The following SEPTIN7 variants were observed in gnomAD, a reference collection of about 807,000 sequenced individuals.
SEPTIN7 encodes the protein septin 7.
SEPTIN7 carries 10 observed loss-of-function variants against 63.3 expected under a neutral mutation model. The observed-to-expected ratio is 0.16, with a 90% CI of 0.10 to 0.27. The LOEUF is 0.27. SEPTIN7 is among the 10% of genes least tolerant of loss of function. The probability of loss-of-function intolerance (pLI) is 1.00; values close to 1 mark genes in which losing one functional copy is unlikely to be tolerated. For missense variants in SEPTIN7, 310 were observed against 521.0 expected (o/e 0.59, Z 3.94); for synonymous variants, 131 against 165.3 (o/e 0.79, Z 1.59).
At chr7:35,803,897 G>A (rs1444605538) in intron 1 of SEPTIN7, among the ~76,000 whole-genome samples, 1 of 152,190 alleles carries the variant, frequency 6.6e-6, no homozygotes, top group Non-Finnish European at 1.5e-5. Context: ...CTACAGCAGT[G>A]TTTTGAAGAC....
rs1788581788 is a variant in SEPTIN7, at chr7:35,905,771, C to T, written c.*1478C>T. 1 of 152,158 alleles carries T rather than the reference C, an allele frequency of 6.6e-6. No homozygotes were observed. The highest frequency in any genetic ancestry group is 2.1e-4 in the South Asian group (1 of 4,830). 9.4% of individuals were successfully genotyped at this position (152,158 alleles called of 1,614,324 possible). On this transcript the variant is annotated 3_prime_UTR_variant, in exon 14 of 14. Coordinates refer to ENST00000350320, the MANE Select transcript of SEPTIN7 (RefSeq NM_001788.6). Reference sequence around the variant, plus strand: ...TGGCCTCTGAGAACAGTTTCTGACTCATTCAGATTAGGTATACTCTCAAGT... The same window carrying T: ...TGGCCTCTGAGAACAGTTTCTGACTTATTCAGATTAGGTATACTCTCAAGT...
At chr7:35,832,587 A>G (rs1269471936) in intron 2 of SEPTIN7, 4 of 390,346 alleles carry the variant, frequency 1.0e-5, no homozygotes, top group Non-Finnish European at 1.9e-5. Context: ...TTGGATTTTT[A>G]TAATTAACCA....
chr7:35,848,138 G>C (rs2727851), intron 3 of SEPTIN7: 1 of 152,048 alleles, frequency 6.6e-6, no homozygotes, highest in Non-Finnish European at 1.5e-5. Context: ...TTTCTGATTC[G>C]TGTAACTCAA....
At chr7:35,896,784 GTTTTC>G (rs1787982363) in intron 11 of SEPTIN7, among the ~76,000 whole-genome samples, 2 of 152,156 alleles carry the variant, frequency 1.3e-5, no homozygotes, top group Admixed American at 6.5e-5. Flanking sequence ...GCATGTAGAA[GTTTTC>G]TTTTAGTGAA....
At chr7:35,861,903 CA>C in intron 3 of SEPTIN7, among the ~76,000 whole-genome samples, 1 of 152,250 alleles carries the variant, frequency 6.6e-6, no homozygotes, top group African/African-American at 2.4e-5. Flanking sequence ...AAAAATGTCA[CA>C]AAAGTTTTGC....
At chr7:35,901,736 C>G (rs1255365577) in intron 12 of SEPTIN7, 1 of 152,130 alleles carries the variant, frequency 6.6e-6, no homozygotes, top group African/African-American at 2.4e-5. Context: ...TGCCTGTCCC[C>G]TATTGTATCC....
rs769514357 is a variant in SEPTIN7, at chr7:35,904,375, A to G, written c.*82A>G. 1.1e-5 allele frequency: 13 copies of G among 1,158,154 alleles called. No individual in the cohort carries two copies. Among genetic ancestry groups the G allele is most frequent in the Middle Eastern group, 2.9e-4 (1 of 3,462 alleles). 71.7% of individuals were successfully genotyped at this position (1,158,154 alleles called of 1,614,324 possible). A position where few individuals can be genotyped will look rare whatever the true frequency, so the allele number is the denominator to read the frequency against. On this transcript the variant is annotated 3_prime_UTR_variant, in exon 14 of 14. Transcript: ENST00000350320. ...AGTGTTTGTTGGATCCGTTTGACCA[A>G]TTTGCACCAGTTTTATCCATAATGA...
intron 1 of SEPTIN7, among the ~76,000 whole-genome samples, chr7:35,809,682 T>A (rs1435092050): frequency 1.3e-5 from 2 of 152,192 alleles, no homozygotes. Context: ...AGATAATTAT[T>A]CTAGACTGAG....
chr7:35,882,165 C>G (rs1162402149), intron 7 of SEPTIN7, among the ~76,000 whole-genome samples: 1 of 151,872 alleles, frequency 6.6e-6, no homozygotes, highest in Non-Finnish European at 1.5e-5. Flanking sequence ...GACCTAAAGT[C>G]ATTATTGTGG....
chr7:35,839,696 CGCCT>C (rs1784312204), intron 3 of SEPTIN7, among the ~76,000 whole-genome samples: 1 of 152,066 alleles, frequency 6.6e-6, no homozygotes, highest in Non-Finnish European at 1.5e-5. Context: ...GGATTATAGG[CGCCT>C]GCCACCATCA....
chr7:35,850,963 C>A (rs1437439844), intron 3 of SEPTIN7, among the ~76,000 whole-genome samples: 3 of 152,150 alleles, frequency 2.0e-5, no homozygotes, highest in Non-Finnish European at 4.4e-5. Flanking sequence ...TAAAGCAGGA[C>A]TTCTCAGATT....
intron 11 of SEPTIN7, among the ~76,000 whole-genome samples, chr7:35,896,816 A>T (rs1301024917): frequency 2.6e-5 from 4 of 152,242 alleles, no homozygotes; most frequent in Non-Finnish European, 5.9e-5. Flanking sequence ...TCCTTGATTT[A>T]AACAACATTT....
rs765728361 is a variant in SEPTIN7, at chr7:35,879,853, G to C, written c.543G>C (p.Lys181Asn). ...AACCATTGGATATTGAGTTTATGAA[G>C]CGTTTGCATGAAAAAGTGAATATCA... is the stretch of plus-strand genomic sequence containing the variant. Reference protein sequence around the residue: ...GLKPLDIEFMKRLHEKVNIIP... With the variant: ...GLKPLDIEFMNRLHEKVNIIP... Residue 181 changes from lysine (K) to asparagine (N), a missense_variant, in exon 7 of 14, where the codon AAG becomes AAC. Coordinates refer to ENST00000350320, the MANE Select transcript of SEPTIN7 (RefSeq NM_001788.6). 8.9e-5 allele frequency: 142 copies of C among 1,594,122 alleles called. No individual in the cohort carries two copies. The highest frequency in any genetic ancestry group is 1.2e-4 in the Non-Finnish European group (140 of 1,168,484).
rs1206326996 is a variant in SEPTIN7, at chr7:35,830,560, T to C, written c.62-932T>C. Among the ~76,000 whole-genome samples, 7 of 152,320 alleles carry C rather than the reference T, an allele frequency of 4.6e-5. No individual in the cohort carries two copies. In the East Asian group the frequency reaches 5.8e-4, roughly 13 times the overall value. Reference sequence around the variant, plus strand: ...GGTAGAGAAACACTGTAGGCCATCATTGGGACTTCGGCTTTTACTTTTGAG... The same window carrying C: ...GGTAGAGAAACACTGTAGGCCATCACTGGGACTTCGGCTTTTACTTTTGAG... On this transcript the variant is annotated intron_variant, in intron 1 of 13. Transcript: ENST00000350320.
intron 2 of SEPTIN7, 40 bp downstream of exon 2, chr7:35,831,536 C>T (rs759031040): frequency 7.3e-6 from 3 of 412,694 alleles, no homozygotes; most frequent in South Asian, 5.4e-5. Flanking sequence ...TTTTCAGTCT[C>T]AGTTAACTTA....
intron 1 of SEPTIN7, among the ~76,000 whole-genome samples, chr7:35,816,597 A>G (rs1583496661): frequency 1.3e-5 from 2 of 152,294 alleles, no homozygotes; most frequent in South Asian, 2.1e-4. Context: ...ATACCTAAGG[A>G]TAGAATTACT....
intron 10 of SEPTIN7, among the ~76,000 whole-genome samples, chr7:35,889,568 G>A (rs1028233106): frequency 1.3e-5 from 2 of 151,814 alleles, no homozygotes; most frequent in Admixed American, 6.6e-5. Context: ...TTTTTAAGAC[G>A]GTCTCTTGCT....
intron 1 of SEPTIN7, among the ~76,000 whole-genome samples, chr7:35,814,847 C>T (rs1405104156): frequency 2.6e-5 from 4 of 151,902 alleles, no homozygotes; most frequent in East Asian, 1.9e-4. Flanking sequence ...TGGTAGCAGG[C>T]GCCTGTAGTC....
At chr7:35,914,886 G>C in the SEPTIN7 span, among the ~76,000 whole-genome samples, 4 of 151,814 alleles carry the variant, frequency 2.6e-5, no homozygotes, top group South Asian at 8.3e-4. Context: ...ACATAGATAT[G>C]TATGTGCACG....
Sources: allele counts gnomAD v4.1 joint callset (sites outside exome capture counted in the v4.1 genomes callset), GRCh38; gene constraint gnomAD v4.1.1; transcripts MANE v1.5; gene names NCBI Gene and HGNC (gene_info 2026-07-23, HGNC 2026-07-21).